Variants in CNTNAP2 observed in about 807,000 individuals in gnomAD.
CNTNAP2 encodes the protein contactin-associated protein-like 2.
Under a neutral mutation model 155.2 loss-of-function variants are expected in CNTNAP2, and 98 were observed. The observed-to-expected ratio is 0.63, with a 90% CI of 0.54 to 0.75. The LOEUF (loss-of-function observed/expected upper bound fraction) is 0.75. CNTNAP2 is among the 30% of genes least tolerant of loss of function. The probability of loss-of-function intolerance (pLI) is 0.00; values close to 1 mark genes in which losing one functional copy is unlikely to be tolerated. For synonymous variants in CNTNAP2, 651 were observed against 631.2 expected (o/e 1.03, Z -0.47); for missense variants, 1,727 against 1,688.1 (o/e 1.02, Z -0.40).
At chr7:147,062,127 C>CAAGAA (rs1799691199) in intron 4 of CNTNAP2, among the ~76,000 whole-genome samples, 1 of 44,930 alleles carries the variant, frequency 2.2e-5, no homozygotes, top group Admixed American at 4.0e-4. Context: ...GACTCCGTCT[C>CAAGAA]AAAAAAAAAA....
intron 15 of CNTNAP2, among the ~76,000 whole-genome samples, chr7:148,068,674 T>C (rs1334401612): frequency 2.0e-5 from 3 of 152,192 alleles, no homozygotes; most frequent in Non-Finnish European, 4.4e-5. Flanking sequence ...CTAGGGCTGA[T>C]TTTTTCCCAA....
intron 12 of CNTNAP2, among the ~76,000 whole-genome samples, chr7:147,588,282 A>G (rs202230422): frequency 6.6e-6 from 1 of 152,162 alleles, no homozygotes; most frequent in Non-Finnish European, 1.5e-5. Context: ...TGAGAAGGGA[A>G]AAGATGATCC....
At chr7:147,197,362 C>T (rs1463219467) in intron 8 of CNTNAP2, among the ~76,000 whole-genome samples, 1 of 114,980 alleles carries the variant, frequency 8.7e-6, no homozygotes, top group African/African-American at 3.3e-5. Context: ...AGTGTACTTT[C>T]GTTTTCGATA....
chr7:146,323,450 C>A (rs1381035797), intron 1 of CNTNAP2, among the ~76,000 whole-genome samples: 1 of 151,664 alleles, frequency 6.6e-6, no homozygotes, highest in Non-Finnish European at 1.5e-5. Flanking sequence ...TGACAGAGAC[C>A]AAGGACAACA....
At chr7:148,259,088 G>A (rs369127574) in intron 20 of CNTNAP2, among the ~76,000 whole-genome samples, 1 of 143,058 alleles carries the variant, frequency 7.0e-6, no homozygotes, top group East Asian at 2.2e-4. Context: ...CAGCAGAACT[G>A]CTTGAACCAG....
At chr7:147,851,954 A>G (rs1381752794) in intron 13 of CNTNAP2, among the ~76,000 whole-genome samples, 1 of 152,140 alleles carries the variant, frequency 6.6e-6, no homozygotes, top group East Asian at 1.9e-4. Flanking sequence ...TTTGTTTAAA[A>G]AAAATCACTG....
intron 15 of CNTNAP2, among the ~76,000 whole-genome samples, chr7:148,007,665 T>A (rs1232595586): frequency 1.3e-5 from 2 of 152,196 alleles, no homozygotes; most frequent in South Asian, 4.1e-4. Flanking sequence ...GTGGTAGGAA[T>A]GTGTCAATAG....
intron 12 of CNTNAP2, among the ~76,000 whole-genome samples, chr7:147,614,204 C>T (rs1801241345): frequency 6.6e-6 from 1 of 152,132 alleles, no homozygotes; most frequent in Non-Finnish European, 1.5e-5. Context: ...TAGACCTTGG[C>T]TCTTAAATAC....
intron 14 of CNTNAP2, among the ~76,000 whole-genome samples, chr7:147,913,230 C>T (rs75843157): frequency 0.044 from 6,713 of 152,330 alleles, 256 homozygotes; most frequent in Admixed American, 0.12. Flanking sequence ...ATCTCTCATA[C>T]TGCTGGCACA....
At chr7:146,320,380 A>AGTT (rs1178117699) in intron 1 of CNTNAP2, among the ~76,000 whole-genome samples, 1 of 152,182 alleles carries the variant, frequency 6.6e-6, no homozygotes, top group Non-Finnish European at 1.5e-5. Flanking sequence ...GGGTATAAAT[A>AGTT]GTTCACTTTC....
At chr7:148,366,421 C>T (rs891592228) in intron 21 of CNTNAP2, among the ~76,000 whole-genome samples, 6 of 152,106 alleles carry the variant, frequency 3.9e-5, no homozygotes, top group Non-Finnish European at 7.3e-5. Context: ...ATCCTCACCA[C>T]CTGGCATACA....
intron 15 of CNTNAP2, among the ~76,000 whole-genome samples, chr7:148,085,850 T>C (rs1803717418): frequency 6.6e-6 from 1 of 152,104 alleles, no homozygotes; most frequent in African/African-American, 2.4e-5. Flanking sequence ...AGTGTTGGGA[T>C]AGCAGGTGTG....
intron 1 of CNTNAP2, among the ~76,000 whole-genome samples, chr7:146,167,129 A>T (rs2116811862): frequency 6.6e-6 from 1 of 152,340 alleles, no homozygotes; most frequent in Non-Finnish European, 1.5e-5. Flanking sequence ...AAGTCTTACT[A>T]CCAACCAACA....
chr7:146,967,925 A>G lies in CNTNAP2; in HGVS notation c.403-75982A>G, dbSNP rs918765039. On this transcript the variant is annotated intron_variant, in intron 3 of 23. Transcript: ENST00000361727. ...GAGTGCTTCCAGTTTTTGCGCATTC[A>G]GTATGATATTGGCTGTGGGTTTGTC... Among the ~76,000 whole-genome samples the G allele has an allele frequency of 1.5e-4, 23 of 151,590 alleles. No individual in the cohort carries two copies. In the East Asian group the frequency reaches 2.3e-3, roughly 15 times the overall value.
intron 1 of CNTNAP2, among the ~76,000 whole-genome samples, chr7:146,360,646 G>A (rs1426674270): frequency 6.6e-6 from 1 of 152,128 alleles, no homozygotes; most frequent in African/African-American, 2.4e-5. Flanking sequence ...GGCTGCTCTT[G>A]GGTGATTTGG....
At chr7:146,435,662 C>T (rs1476758724) in intron 1 of CNTNAP2, among the ~76,000 whole-genome samples, 4 of 152,174 alleles carry the variant, frequency 2.6e-5, no homozygotes, top group Non-Finnish European at 1.5e-5. Flanking sequence ...GCACTTAGTA[C>T]ATCTGAGAGA....
chr7:148,389,049 A>G (rs1799285459), intron 22 of CNTNAP2, among the ~76,000 whole-genome samples: 1 of 152,156 alleles, frequency 6.6e-6, no homozygotes, highest in Admixed American at 6.5e-5. Flanking sequence ...TGGGAGAACC[A>G]CTGCTCTTTT....
chr7:146,834,164 C>T (rs1489946343), intron 2 of CNTNAP2, among the ~76,000 whole-genome samples: 5 of 151,982 alleles, frequency 3.3e-5, no homozygotes, highest in African/African-American at 4.8e-5. Context: ...ACTTGAGTGC[C>T]GCGTTTCTTC....
intron 1 of CNTNAP2, among the ~76,000 whole-genome samples, chr7:146,587,199 C>A (rs1010192307): frequency 1.3e-5 from 2 of 152,174 alleles, no homozygotes; most frequent in African/African-American, 4.8e-5. Flanking sequence ...CCGTTCCTTT[C>A]TTGGGGCCTG....
Sources: allele counts gnomAD v4.1 joint callset (sites outside exome capture counted in the v4.1 genomes callset), GRCh38; gene constraint gnomAD v4.1.1; transcripts MANE v1.5; gene names NCBI Gene and HGNC (gene_info 2026-07-23, HGNC 2026-07-21).